The following CACNB2 variants were observed in gnomAD, a reference collection of about 807,000 sequenced individuals.
CACNB2 encodes voltage-dependent L-type calcium channel subunit beta-2.
Under a neutral mutation model 73.3 loss-of-function variants are expected in CACNB2, and 42 were observed. That is an observed-to-expected ratio of 0.57 (90% confidence interval 0.45 to 0.74). CACNB2 has a LOEUF of 0.74. Ranked by LOEUF, CACNB2 falls within the 30% of genes least tolerant of loss-of-function variation. The pLI is 0.00. For synonymous variants in CACNB2, 348 were observed against 310.3 expected (o/e 1.12, Z -1.28); for missense variants, 940 against 853.0 (o/e 1.10, Z -1.27).
At chr10:18,424,403 A>C (rs1343137447) in intron 3 of CACNB2, among the ~76,000 whole-genome samples, 4 of 152,056 alleles carry the variant, frequency 2.6e-5, no homozygotes, top group Non-Finnish European at 5.9e-5. Context: ...GAGAAGTAGT[A>C]ATCATTGGGT....
chr10:18,303,214 G>T (rs1168006105), intron 2 of CACNB2, among the ~76,000 whole-genome samples: 1 of 152,116 alleles, frequency 6.6e-6, no homozygotes, highest in African/African-American at 2.4e-5. Flanking sequence ...GTTTAAGAAA[G>T]GGAGAAGGCC....
chr10:18,201,545 G>A (rs748069781), intron 2 of CACNB2, among the ~76,000 whole-genome samples: 1 of 152,158 alleles, frequency 6.6e-6, no homozygotes, highest in African/African-American at 2.4e-5. Context: ...AAAGTGGTGG[G>A]ATTGCAGGCA....
intron 2 of CACNB2, chr10:18,256,579 C>G (rs938108996): frequency 1.3e-5 from 2 of 152,210 alleles, no homozygotes; most frequent in African/African-American, 4.8e-5. Context: ...TCCACTCCCC[C>G]GCCTCCTCCA....
intron 2 of CACNB2, among the ~76,000 whole-genome samples, chr10:18,269,914 G>A (rs1371119619): frequency 6.6e-6 from 1 of 152,118 alleles, no homozygotes; most frequent in Non-Finnish European, 1.5e-5. Flanking sequence ...TTCGATCATT[G>A]CTACTTCCTT....
chr10:18,480,297 G>A (rs1347757603), intron 3 of CACNB2, among the ~76,000 whole-genome samples: 4 of 151,810 alleles, frequency 2.6e-5, no homozygotes, highest in African/African-American at 7.3e-5. Context: ...TGGAGATGTG[G>A]GATTTGTTTT....
chr10:18,331,191 G>A (rs558213558), intron 2 of CACNB2, among the ~76,000 whole-genome samples: 6 of 151,736 alleles, frequency 4.0e-5, no homozygotes, highest in East Asian at 1.9e-4. Context: ...TCACCATGTC[G>A]GTCAGGATGG....
chr10:18,367,115 C>A (rs1247122344), intron 2 of CACNB2, among the ~76,000 whole-genome samples: 1 of 152,178 alleles, frequency 6.6e-6, no homozygotes, highest in Non-Finnish European at 1.5e-5. Context: ...TGACATCTGA[C>A]ATTTTTCATC....
In CACNB2 at chr10:18,294,984, G is replaced by A. The variant is rs537143308; in HGVS notation, c.214-106940G>A. On this transcript the variant is annotated intron_variant, in intron 2 of 13. Transcript: ENST00000324631. ...AGAGAGGGGGCAGAGCACTGCAGAC[G>A]CCCATCTCATCACCCTGACACAGTC... Among the ~76,000 whole-genome samples, 12 of 152,312 alleles carry A rather than the reference G, an allele frequency of 7.9e-5. No individual in the cohort carries two copies. The South Asian group carries it at 2.1e-3, about 26-fold the overall frequency.
At chr10:18,294,047 A>G (rs951683144) in intron 2 of CACNB2, among the ~76,000 whole-genome samples, 1 of 152,188 alleles carries the variant, frequency 6.6e-6, no homozygotes, top group African/African-American at 2.4e-5. Flanking sequence ...ACTTGAGTTC[A>G]GGAGGAGAAT....
At chr10:18,484,919 C>CTGA (rs2048979955) in intron 3 of CACNB2, among the ~76,000 whole-genome samples, 1 of 152,178 alleles carries the variant, frequency 6.6e-6, no homozygotes, top group Non-Finnish European at 1.5e-5. Flanking sequence ...CTTTGGAAGG[C>CTGA]TGATGCAGGC....
chr10:18,400,995 G>T (rs1010367398), intron 2 of CACNB2: 35 of 1,613,748 alleles, frequency 2.2e-5, no homozygotes, highest in East Asian at 8.9e-5. Flanking sequence ...CTGTGCCCGG[G>T]GCTGCAGCTG....
At chr10:18,254,434 C>A (rs1332016230) in intron 2 of CACNB2, among the ~76,000 whole-genome samples, 1 of 151,664 alleles carries the variant, frequency 6.6e-6, no homozygotes, top group African/African-American at 2.4e-5. Flanking sequence ...AATTTCATTG[C>A]TTTTAGTTAT....
At chr10:18,519,953 C>T (rs914641977) in intron 9 of CACNB2, 3 of 335,962 alleles carry the variant, frequency 8.9e-6, no homozygotes, top group African/African-American at 6.5e-5. Flanking sequence ...TTTCTGGAAC[C>T]ACACTTTTCT....
intron 10 of CACNB2, among the ~76,000 whole-genome samples, chr10:18,529,662 T>A (rs929145035): frequency 6.6e-6 from 1 of 152,162 alleles, no homozygotes; most frequent in African/African-American, 2.4e-5. Context: ...AGCTAAAATA[T>A]ATTGTTTTAA....
chr10:18,268,172 T>C (rs916696045), intron 2 of CACNB2, among the ~76,000 whole-genome samples: 1 of 152,224 alleles, frequency 6.6e-6, no homozygotes, highest in Non-Finnish European at 1.5e-5. Flanking sequence ...TAAAGCGTAT[T>C]GAATTATGTA....
chr10:18,237,649 A>G (rs1277489567), intron 2 of CACNB2, among the ~76,000 whole-genome samples: 2 of 152,190 alleles, frequency 1.3e-5, no homozygotes, highest in African/African-American at 4.8e-5. Context: ...ACAAATGCAG[A>G]TGGTATCATT....
At chr10:18,231,038 T>C (rs61261116) in intron 2 of CACNB2, among the ~76,000 whole-genome samples, 24,989 of 152,152 alleles carry the variant, frequency 0.16, 2,394 homozygotes, top group African/African-American at 0.27. Flanking sequence ...TCTCAGTGTT[T>C]TGTGTATTCT....
intron 2 of CACNB2, among the ~76,000 whole-genome samples, chr10:18,174,255 CT>C (rs1241176285): frequency 2.3e-5 from 3 of 132,510 alleles, no homozygotes; most frequent in East Asian, 2.5e-4. Flanking sequence ...CTCCCCTTCC[CT>C]TCCCTCCCTC....
chr10:18,395,496 G>A, intron 2 of CACNB2, among the ~76,000 whole-genome samples: 1 of 151,988 alleles, frequency 6.6e-6, no homozygotes, highest in Non-Finnish European at 1.5e-5. Context: ...ATGACAGAAA[G>A]CTTTAATCTT....
Sources: gnomAD v4.1 joint callset for allele counts (sites outside exome capture counted in the v4.1 genomes callset) on GRCh38, gnomAD v4.1.1 for gene constraint, MANE v1.5 for transcripts, NCBI Gene and HGNC (gene_info 2026-07-23, HGNC 2026-07-21) for gene names.